The following CDH12 variants were observed in gnomAD, a reference collection of about 807,000 sequenced individuals.
CDH12 encodes the protein cadherin 12.
A neutral mutation model predicts 74.1 loss-of-function variants in CDH12; 41 were observed. That is an observed-to-expected ratio of 0.55 (90% CI 0.43 to 0.72). CDH12 has a LOEUF of 0.72. Ranked by LOEUF, CDH12 falls within the 30% of genes least tolerant of loss-of-function variation. The pLI is 0.00. For missense variants in CDH12, 945 were observed against 977.2 expected (o/e 0.97, Z 0.44); for synonymous variants, 399 against 355.0 (o/e 1.12, Z -1.39).
intron 4 of CDH12, chr5:22,143,584 G>A (rs1746956269): frequency 6.6e-6 from 1 of 152,124 alleles, no homozygotes; most frequent in Admixed American, 6.6e-5. Flanking sequence ...GGTCAAGTTG[G>A]TCTGGAACTC....
chr5:22,715,308 A>T (rs1490561462), intron 1 of CDH12, among the ~76,000 whole-genome samples: 4 of 152,354 alleles, frequency 2.6e-5, no homozygotes, highest in African/African-American at 9.6e-5. Context: ...ATTTGATATT[A>T]GTTATTCAGC....
chr5:21,896,955 G>A (rs559764890), intron 6 of CDH12, among the ~76,000 whole-genome samples: 3 of 152,188 alleles, frequency 2.0e-5, no homozygotes, highest in African/African-American at 7.2e-5. Flanking sequence ...TGAGGTTTCT[G>A]CTCTTTATTC....
At chr5:21,922,414 C>A (rs114113213) in intron 6 of CDH12, among the ~76,000 whole-genome samples, 29 of 152,102 alleles carry the variant, frequency 1.9e-4, no homozygotes, top group African/African-American at 7.0e-4. Context: ...TTTACAAAAA[C>A]GCTGAATTAT....
intron 1 of CDH12, among the ~76,000 whole-genome samples, chr5:22,598,070 G>A (rs987749015): frequency 6.6e-6 from 1 of 152,076 alleles, no homozygotes; most frequent in African/African-American, 2.4e-5. Flanking sequence ...AATTCTAATT[G>A]TATCAATAAT....
intron 11 of CDH12, among the ~76,000 whole-genome samples, chr5:21,765,618 G>C (rs1299670774): frequency 6.6e-6 from 1 of 150,728 alleles, no homozygotes. Context: ...GTAGAACTAA[G>C]AGATGGATTA....
intron 3 of CDH12, among the ~76,000 whole-genome samples, chr5:22,228,693 A>G (rs1752278585): frequency 6.6e-6 from 1 of 152,170 alleles, no homozygotes; most frequent in Non-Finnish European, 1.5e-5. Flanking sequence ...AAACACGAGC[A>G]TGATTCTAAT....
At chr5:21,967,340 C>G (rs1233232784) in intron 6 of CDH12, among the ~76,000 whole-genome samples, 2 of 152,122 alleles carry the variant, frequency 1.3e-5, no homozygotes, top group Non-Finnish European at 2.9e-5. Flanking sequence ...AAAAATAGTC[C>G]CGCAGCTGGA....
chr5:22,724,111 T>C (rs1744037202), intron 1 of CDH12, among the ~76,000 whole-genome samples: 1 of 151,936 alleles, frequency 6.6e-6, no homozygotes, highest in Admixed American at 6.6e-5. Flanking sequence ...GAATTGGGGT[T>C]GGAATTTATA....
At chr5:22,104,284 C>T (rs2150252964) in intron 4 of CDH12, among the ~76,000 whole-genome samples, 1 of 152,152 alleles carries the variant, frequency 6.6e-6, no homozygotes, top group East Asian at 1.9e-4. Context: ...TCCTTGTAGG[C>T]ATTTGAATTA....
intron 1 of CDH12, among the ~76,000 whole-genome samples, chr5:22,628,668 A>AT (rs1738422954): frequency 6.6e-6 from 1 of 152,112 alleles, no homozygotes; most frequent in Non-Finnish European, 1.5e-5. Context: ...AATGAACAAC[A>AT]TAACATTACA....
At chr5:22,226,830 G>A (rs1752210373) in intron 3 of CDH12, among the ~76,000 whole-genome samples, 1 of 152,096 alleles carries the variant, frequency 6.6e-6, no homozygotes, top group Admixed American at 6.6e-5. Flanking sequence ...GGTTAATTAT[G>A]TGAATGCAGG....
intron 4 of CDH12, among the ~76,000 whole-genome samples, chr5:22,129,597 A>G (rs1469086579): frequency 3.3e-5 from 5 of 152,174 alleles, no homozygotes; most frequent in Admixed American, 1.3e-4. Flanking sequence ...GAATGTTAAG[A>G]CAAAGATAGC....
At chr5:22,044,518 G>T (rs1170732610) in intron 5 of CDH12, among the ~76,000 whole-genome samples, 1 of 152,124 alleles carries the variant, frequency 6.6e-6, no homozygotes, top group Admixed American at 6.6e-5. Context: ...TAGCATGGAG[G>T]AAACCACTTC....
intron 6 of CDH12, among the ~76,000 whole-genome samples, chr5:21,927,574 G>C (rs1055011798): frequency 1.3e-5 from 2 of 152,090 alleles, no homozygotes; most frequent in African/African-American, 4.8e-5. Context: ...CTGGGTGACA[G>C]AGGAAGACTC....
chr5:22,417,067 C>A (rs939896590), intron 2 of CDH12, among the ~76,000 whole-genome samples: 5 of 152,000 alleles, frequency 3.3e-5, no homozygotes, highest in Admixed American at 1.3e-4. Flanking sequence ...TCTTTTGATT[C>A]TTTTATCTCT....
At chr5:22,682,583 T>C (rs1280046125) in intron 1 of CDH12, among the ~76,000 whole-genome samples, 1 of 152,052 alleles carries the variant, frequency 6.6e-6, no homozygotes. Context: ...CTAGTTATCT[T>C]TTGAAACCAT....
chr5:22,094,135 G>A (rs937741516), intron 4 of CDH12, among the ~76,000 whole-genome samples: 48 of 152,224 alleles, frequency 3.2e-4, no homozygotes, highest in Admixed American at 6.5e-4. Context: ...GAGGCAAACC[G>A]TTACACAGAT....
chr5:22,393,025 A>AT (rs1408964072), intron 3 of CDH12, among the ~76,000 whole-genome samples: 9 of 152,114 alleles, frequency 5.9e-5, no homozygotes, highest in Non-Finnish European at 1.3e-4. Flanking sequence ...GATATTCCCC[A>AT]ACAATGTCTC....
At chr5:22,529,069 A>G (rs1255815391) in intron 1 of CDH12, among the ~76,000 whole-genome samples, 3 of 151,056 alleles carry the variant, frequency 2.0e-5, no homozygotes, top group African/African-American at 7.3e-5. Flanking sequence ...ATATATGTAT[A>G]TATGCATATA....
Sources: allele counts gnomAD v4.1 joint callset (sites outside exome capture counted in the v4.1 genomes callset), GRCh38; gene constraint gnomAD v4.1.1; transcripts MANE v1.5; gene names NCBI Gene and HGNC (gene_info 2026-07-23, HGNC 2026-07-21).